Variants in DPYD observed in about 807,000 individuals in gnomAD.
The protein encoded by DPYD is dihydropyrimidine dehydrogenase.
A neutral mutation model predicts 116.2 loss-of-function variants in DPYD; 109 were observed. The observed-to-expected ratio is 0.94, with a 90% confidence interval of 0.80 to 1.10. The LOEUF (loss-of-function observed/expected upper bound fraction) is 1.10. Ranked by LOEUF, DPYD falls within the 50% of genes least tolerant of loss-of-function variation. The pLI, the probability that DPYD is intolerant of heterozygous loss-of-function variation, is 0.00. For synonymous variants in DPYD, 440 were observed against 432.0 expected, an observed-to-expected ratio of 1.02 and a Z score of -0.23; for missense variants, 1,302 against 1,254.5, an observed-to-expected ratio of 1.04 and a Z score of -0.57.
At chr1:97,546,372 A>T (rs1390435658) in intron 12 of DPYD, 3 of 1,439,094 alleles carry the variant, frequency 2.1e-6, no homozygotes, top group Non-Finnish European at 2.9e-6. Context: ...CAGTAAAGGA[A>T]GATGAAGAAG....
intron 14 of DPYD, among the ~76,000 whole-genome samples, chr1:97,438,307 G>C (rs1414897269): frequency 6.6e-6 from 1 of 151,972 alleles, no homozygotes; most frequent in Non-Finnish European, 1.5e-5. Flanking sequence ...ATAAAAATGG[G>C]AAGACTTGGC....
intron 1 of DPYD, among the ~76,000 whole-genome samples, chr1:97,904,155 G>A (rs1673496064): frequency 6.6e-6 from 1 of 151,838 alleles, no homozygotes. Context: ...ATATCACTGG[G>A]AGGAATAGAA....
chr1:97,426,131 T>C (rs1674855326), intron 14 of DPYD, among the ~76,000 whole-genome samples: 1 of 151,924 alleles, frequency 6.6e-6, no homozygotes, highest in Non-Finnish European at 1.5e-5. Flanking sequence ...AATCAGAAAT[T>C]GGCTTAGAAT....
chr1:97,699,199 A>G, intron 6 of DPYD, 152 bp downstream of exon 6: 2 of 847,770 alleles, frequency 2.4e-6, no homozygotes, highest in Non-Finnish European at 3.6e-6. Context: ...TAAAGTGAAT[A>G]ATGTAATCAA....
intron 8 of DPYD, among the ~76,000 whole-genome samples, chr1:97,619,279 T>C (rs1341065467): frequency 1.3e-5 from 2 of 152,188 alleles, no homozygotes; most frequent in African/African-American, 4.8e-5. Context: ...TTTAAACAAT[T>C]TGTACTAAAT....
At chr1:97,410,651 A>G (rs1158977192) in intron 14 of DPYD, among the ~76,000 whole-genome samples, 1 of 152,166 alleles carries the variant, frequency 6.6e-6, no homozygotes, top group East Asian at 1.9e-4. Flanking sequence ...CTGTAGTGTC[A>G]CATTGTGAGC....
intron 14 of DPYD, among the ~76,000 whole-genome samples, chr1:97,422,106 T>G (rs944236068): frequency 6.6e-6 from 1 of 152,180 alleles, no homozygotes; most frequent in African/African-American, 2.4e-5. Context: ...AGGAATTAAC[T>G]TTTTTAAAAA....
intron 3 of DPYD, among the ~76,000 whole-genome samples, chr1:97,758,910 C>T (rs896280423): frequency 2.0e-5 from 3 of 152,184 alleles, no homozygotes; most frequent in Non-Finnish European, 2.9e-5. Flanking sequence ...TACTTGGAGG[C>T]TGCAGGGCTT....
chr1:97,522,332 G>T lies in DPYD; in HGVS notation c.1525-6391C>A, dbSNP rs528724952. ...ATGCTGCTACTCAGCTGTCATCATAGTCGGCTGTACATGTTAATTTTCTCT... is the reference window on the plus strand; with the variant it reads ...ATGCTGCTACTCAGCTGTCATCATATTCGGCTGTACATGTTAATTTTCTCT... On this transcript the variant is annotated intron_variant, in intron 12 of 22. Coordinates refer to ENST00000370192, the MANE Select transcript of DPYD (RefSeq NM_000110.4). Among the ~76,000 whole-genome samples, 24 of 152,298 alleles carry T rather than the reference G, an allele frequency of 1.6e-4. No homozygotes were observed. In the South Asian group the frequency reaches 4.8e-3, roughly 30 times the overall value.
In DPYD at chr1:97,078,514, C is replaced by A. The variant is rs765158346; in HGVS notation, c.*462G>T. On this transcript the variant is annotated 3_prime_UTR_variant, in exon 23 of 23. Transcript: ENST00000370192. ...GGAGCTAACTACATTTTCTTAGAAA[C>A]AGCATTAAAATTAAAGGTAATTTTT... is the stretch of plus-strand genomic sequence containing the variant. 3 of 180,866 alleles carry A rather than the reference C, an allele frequency of 1.7e-5. No homozygotes were observed. The highest frequency in any genetic ancestry group is 7.2e-5 in the African/African-American group (3 of 41,706). The allele number at this position is 180,866 out of a possible 1,614,324, so 11.2% of individuals were successfully genotyped here.
intron 10 of DPYD, chr1:97,586,417 G>A (rs1571008787): frequency 1.6e-5 from 2 of 126,504 alleles, no homozygotes; most frequent in African/African-American, 6.0e-5. Context: ...GGTAAAAAAC[G>A]TTCACTTTTA....
chr1:97,567,573 T>C (rs1652610416), intron 11 of DPYD, among the ~76,000 whole-genome samples: 1 of 152,152 alleles, frequency 6.6e-6, no homozygotes, highest in Non-Finnish European at 1.5e-5. Context: ...GTCTCCGCTC[T>C]ACTGAGCAGT....
intron 20 of DPYD, among the ~76,000 whole-genome samples, chr1:97,156,938 TA>T: frequency 6.6e-6 from 1 of 151,540 alleles, no homozygotes; most frequent in Non-Finnish European, 1.5e-5. Context: ...TATGCAGCCA[TA>T]AAAAATGATG....
chr1:97,361,127 C>G (rs1670702409), intron 16 of DPYD, among the ~76,000 whole-genome samples: 1 of 152,140 alleles, frequency 6.6e-6, no homozygotes, highest in South Asian at 2.1e-4. Flanking sequence ...GGGGATATCA[C>G]CACGGATCCC....
intron 18 of DPYD, among the ~76,000 whole-genome samples, chr1:97,248,987 C>T (rs1402141793): frequency 6.6e-6 from 1 of 151,896 alleles, no homozygotes; most frequent in African/African-American, 2.4e-5. Flanking sequence ...TAATCATAGA[C>T]TTGTTGACTC....
chr1:97,729,493 T>C (rs1663465953), intron 4 of DPYD, among the ~76,000 whole-genome samples: 1 of 152,150 alleles, frequency 6.6e-6, no homozygotes, highest in South Asian at 2.1e-4. Flanking sequence ...AAAAAGATTT[T>C]GTTAAATGTT....
chr1:97,091,178 T>C (rs554695196), intron 21 of DPYD, among the ~76,000 whole-genome samples: 2 of 152,180 alleles, frequency 1.3e-5, no homozygotes, highest in South Asian at 2.1e-4. Flanking sequence ...CTACAGCAGA[T>C]GGGGAATAAT....
chr1:97,605,872 T>C (rs187753995), intron 8 of DPYD, among the ~76,000 whole-genome samples: 2 of 152,098 alleles, frequency 1.3e-5, no homozygotes, highest in African/African-American at 4.8e-5. Context: ...TTTCTTGATA[T>C]TTTTTCTTCC....
intron 3 of DPYD, among the ~76,000 whole-genome samples, chr1:97,807,975 G>A (rs531184617): frequency 2.6e-5 from 4 of 152,092 alleles, no homozygotes; most frequent in South Asian, 2.1e-4. Context: ...CTCATTGATC[G>A]TGTCTATCCT....
Sources: gnomAD v4.1 joint callset for allele counts (sites outside exome capture counted in the v4.1 genomes callset) on GRCh38, gnomAD v4.1.1 for gene constraint, MANE v1.5 for transcripts, NCBI Gene and HGNC (gene_info 2026-07-23, HGNC 2026-07-21) for gene names.